The following ANK3 variants were observed in gnomAD, a reference collection of about 807,000 sequenced individuals.
The protein encoded by ANK3 is ankyrin-3.
In ANK3, 57 loss-of-function variants were observed where a neutral mutation model predicts 370.9. The ratio of observed to expected loss-of-function variants is 0.15; its 90% CI spans 0.12 to 0.19. The LOEUF (loss-of-function observed/expected upper bound fraction) is 0.19. ANK3 is among the 10% of genes least tolerant of loss of function. The pLI, the probability that ANK3 is intolerant of heterozygous loss-of-function variation, is 1.00. For missense variants in ANK3, 4,439 were observed against 5,302.1 expected (o/e 0.84, Z 5.06); for synonymous variants, 1,929 against 1,946.3 (o/e 0.99, Z 0.23).
chr10:60,591,696 G>A (rs2077917140), intron 2 of ANK3, among the ~76,000 whole-genome samples: 2 of 152,182 alleles, frequency 1.3e-5, no homozygotes, highest in South Asian at 4.1e-4. Flanking sequence ...ACATATGAAT[G>A]GATAAAGAAC....
chr10:60,135,369 A>G (rs1030787908), intron 24 of ANK3, among the ~76,000 whole-genome samples: 3 of 152,158 alleles, frequency 2.0e-5, no homozygotes, highest in Non-Finnish European at 2.9e-5. Flanking sequence ...CCTCTTTCTA[A>G]TGATGTATGA....
At chr10:60,217,564 G>A (rs115130637) in intron 8 of ANK3, among the ~76,000 whole-genome samples, 2,376 of 152,280 alleles carry the variant, frequency 0.016, 67 homozygotes, top group African/African-American at 0.054. Flanking sequence ...ATGTAATTGT[G>A]TAGTTTTCAG....
intron 1 of ANK3, among the ~76,000 whole-genome samples, chr10:60,383,979 T>C (rs966882063): frequency 6.6e-6 from 1 of 152,190 alleles, no homozygotes; most frequent in African/African-American, 2.4e-5. Context: ...TAGCATCTCA[T>C]TACAATAAAC....
chr10:60,043,196 T>C, intron 42 of ANK3: 19 of 987,684 alleles, frequency 1.9e-5, no homozygotes, highest in Non-Finnish European at 2.3e-5. Flanking sequence ...TGCCAATGAC[T>C]TCCTCTTACT....
chr10:60,197,415 C>T (rs1212579968), intron 14 of ANK3, among the ~76,000 whole-genome samples: 4 of 152,106 alleles, frequency 2.6e-5, no homozygotes, highest in Non-Finnish European at 4.4e-5. Flanking sequence ...ATTACGGGGT[C>T]ATCAGCACAT....
chr10:60,366,014 T>C (rs910325694), intron 1 of ANK3, among the ~76,000 whole-genome samples: 2 of 152,296 alleles, frequency 1.3e-5, no homozygotes, highest in African/African-American at 4.8e-5. Flanking sequence ...CTCTCACCTG[T>C]TAAGGGCAAA....
intron 1 of ANK3, among the ~76,000 whole-genome samples, chr10:60,383,164 C>G (rs961711288): frequency 2.6e-5 from 4 of 152,032 alleles, no homozygotes; most frequent in Non-Finnish European, 5.9e-5. Context: ...GTTGCATAAA[C>G]AAACCTCAAC....
chr10:60,102,917 A>G (rs1044090063), intron 28 of ANK3, among the ~76,000 whole-genome samples: 16 of 152,200 alleles, frequency 1.1e-4, no homozygotes, highest in African/African-American at 2.9e-4. Context: ...CTTAATTGTT[A>G]TGAAATTAAT....
At chr10:60,684,411 T>G in intron 1 of ANK3, 1 of 690,790 alleles carries the variant, frequency 1.4e-6, no homozygotes, top group Non-Finnish European at 2.3e-6. Context: ...GGAAGGATGG[T>G]TAGTCAATCT....
chr10:60,310,781 C>A (rs1423962370), intron 1 of ANK3, among the ~76,000 whole-genome samples: 2 of 151,886 alleles, frequency 1.3e-5, no homozygotes, highest in Admixed American at 1.3e-4. Flanking sequence ...ATTTTTTTCC[C>A]AGAAATTCAA....
chr10:60,327,724 G>T (rs1231799584), intron 1 of ANK3, among the ~76,000 whole-genome samples: 3 of 152,104 alleles, frequency 2.0e-5, no homozygotes, highest in African/African-American at 7.2e-5. Context: ...AAACCTAAAA[G>T]ATGCCCTTGA....
chr10:60,348,918 T>C (rs2056289247), intron 1 of ANK3, among the ~76,000 whole-genome samples: 1 of 152,178 alleles, frequency 6.6e-6, no homozygotes, highest in Non-Finnish European at 1.5e-5. Flanking sequence ...TATCTTAGAC[T>C]ATAACATCAA....
intron 1 of ANK3, chr10:60,684,545 G>A: frequency 6.3e-7 from 1 of 1,582,046 alleles, no homozygotes; most frequent in Non-Finnish European, 8.6e-7. Flanking sequence ...ATCCTGTCCA[G>A]TCTGCCTTCA....
At chr10:60,207,464 A>C (rs534868198) in intron 10 of ANK3, among the ~76,000 whole-genome samples, 3 of 152,198 alleles carry the variant, frequency 2.0e-5, no homozygotes, top group Non-Finnish European at 4.4e-5. Context: ...TTGCAAAGAC[A>C]ACAAGTACCA....
chr10:60,477,258 C>A (rs375902531), intron 2 of ANK3, among the ~76,000 whole-genome samples: 3 of 151,790 alleles, frequency 2.0e-5, no homozygotes, highest in Admixed American at 2.0e-4. Context: ...GAGTAAGAAG[C>A]GTAAGGGGAA....
chr10:60,062,295 A>G (rs2131939983), intron 40 of ANK3: 1 of 152,352 alleles, frequency 6.6e-6, no homozygotes, highest in Middle Eastern at 3.4e-3. Flanking sequence ...TCATTGTAGG[A>G]ATAAATTTTC....
intron 1 of ANK3, among the ~76,000 whole-genome samples, chr10:60,306,480 T>C (rs1206370108): frequency 2.0e-5 from 3 of 151,608 alleles, no homozygotes; most frequent in East Asian, 1.9e-4. Context: ...TGTTGGCCGA[T>C]GGACATTTAG....
intron 2 of ANK3, among the ~76,000 whole-genome samples, chr10:60,614,078 A>G (rs966209774): frequency 6.6e-6 from 1 of 152,230 alleles, no homozygotes; most frequent in Non-Finnish European, 1.5e-5. Context: ...TGTCAAAAAA[A>G]AAGATAATTC....
At chr10:60,469,029 G>GTA (rs2065086083) in intron 2 of ANK3, among the ~76,000 whole-genome samples, 1 of 34,960 alleles carries the variant, frequency 2.9e-5, no homozygotes, top group Non-Finnish European at 6.2e-5. Context: ...ACCACTTTTA[G>GTA]TGTATATATA....
Sources: allele counts gnomAD v4.1 joint callset (sites outside exome capture counted in the v4.1 genomes callset), GRCh38; gene constraint gnomAD v4.1.1; transcripts MANE v1.5; gene names NCBI Gene and HGNC (gene_info 2026-07-23, HGNC 2026-07-21).